The following IL1RAPL1 variants were observed in gnomAD, a reference collection of about 807,000 sequenced individuals.
IL1RAPL1 encodes the protein interleukin 1 receptor accessory protein like 1.
A neutral mutation model predicts 48.4 loss-of-function variants in IL1RAPL1; 3 were observed. The observed-to-expected ratio is 0.06, with a 90% CI of 0.03 to 0.16. The LOEUF (loss-of-function observed/expected upper bound fraction) is 0.16, where lower values mean the gene tolerates loss of function less well. Among genes scored for constraint, IL1RAPL1 ranks in the 10% least tolerant of loss-of-function variants. The pLI is 1.00. For synonymous variants in IL1RAPL1, 185 were observed against 187.7 expected (o/e 0.99, Z 0.12); for missense variants, 349 against 530.6 (o/e 0.66, Z 3.36).
chrX:29,195,524 G>A (rs889804128), intron 2 of IL1RAPL1, among the ~76,000 whole-genome samples: 7 of 106,459 alleles, frequency 6.6e-5, no homozygotes, highest in Non-Finnish European at 1.2e-4. Context: ...CACCAATATC[G>A]TCCAAAAGTT....
chrX:29,554,513 G>A (rs753570287), intron 5 of IL1RAPL1, among the ~76,000 whole-genome samples: 57 of 110,823 alleles, frequency 5.1e-4, no homozygotes, highest in African/African-American at 1.8e-3. Flanking sequence ...ATGAAACATT[G>A]TAGGCCTTCA....
At chrX:28,963,288 C>T (rs1924833982) in intron 2 of IL1RAPL1, among the ~76,000 whole-genome samples, 1 of 110,783 alleles carries the variant, frequency 9.0e-6, no homozygotes, top group South Asian at 3.7e-4. Context: ...TTGCCTTTGT[C>T]GTTTAAATCT....
chrX:29,761,823 A>G (rs1036980041), intron 6 of IL1RAPL1, among the ~76,000 whole-genome samples: 3 of 111,843 alleles, frequency 2.7e-5, no homozygotes, highest in Non-Finnish European at 5.6e-5. Context: ...TAGCAAGCAC[A>G]ATATCTAACA....
intron 2 of IL1RAPL1, among the ~76,000 whole-genome samples, chrX:29,254,471 G>A (rs189216553): frequency 1.2e-3 from 136 of 110,301 alleles, no homozygotes; most frequent in African/African-American, 4.2e-3. Flanking sequence ...GCAAAGAGGG[G>A]GAGGGAGAGA....
chrX:28,733,620 T>C (rs1358093118), intron 1 of IL1RAPL1, among the ~76,000 whole-genome samples: 1 of 111,681 alleles, frequency 9.0e-6, no homozygotes, highest in Non-Finnish European at 1.9e-5. Context: ...CCTTCAGATT[T>C]AGTTGGTCTT....
At chrX:29,588,069 CAAA>C (rs1321723401) in intron 5 of IL1RAPL1, among the ~76,000 whole-genome samples, 1 of 112,614 alleles carries the variant, frequency 8.9e-6, no homozygotes, top group Non-Finnish European at 1.9e-5. Context: ...GGATTATCTT[CAAA>C]ATGAAAGCAG....
chrX:28,905,743 T>G (rs1326635474), intron 2 of IL1RAPL1, among the ~76,000 whole-genome samples: 2 of 111,644 alleles, frequency 1.8e-5, no homozygotes, highest in Non-Finnish European at 3.8e-5. Context: ...TTGATGGAGT[T>G]TACGGTTCAG....
chrX:29,624,253 AT>A (rs138823751), intron 5 of IL1RAPL1, among the ~76,000 whole-genome samples: 3 of 111,411 alleles, frequency 2.7e-5, no homozygotes, highest in South Asian at 3.7e-4. Context: ...TAGCATCCAT[AT>A]TTTTTTGACA....
At chrX:29,116,184 C>A (rs964569163) in intron 2 of IL1RAPL1, among the ~76,000 whole-genome samples, 2 of 110,435 alleles carry the variant, frequency 1.8e-5, no homozygotes, top group Non-Finnish European at 3.8e-5. Flanking sequence ...ATACCATTTC[C>A]AAAATGCTTG....
chrX:29,668,094 T>C (rs1926047770), intron 5 of IL1RAPL1, among the ~76,000 whole-genome samples: 1 of 111,739 alleles, frequency 8.9e-6, no homozygotes, highest in African/African-American at 3.2e-5. Context: ...CAGAAAAAAA[T>C]GCAGGACATC....
At chrX:29,374,527 G>T (rs1020919249) in intron 3 of IL1RAPL1, among the ~76,000 whole-genome samples, 1 of 109,221 alleles carries the variant, frequency 9.2e-6, no homozygotes, top group Non-Finnish European at 1.9e-5. Context: ...GCTTTTGGCC[G>T]CACCAGCCCT....
chrX:29,806,648 A>G (rs900804873), intron 6 of IL1RAPL1, among the ~76,000 whole-genome samples: 1 of 111,382 alleles, frequency 9.0e-6, no homozygotes, highest in African/African-American at 3.3e-5. Context: ...CCTGAAATTG[A>G]CTTTATCATA....
chrX:29,770,427 C>G (rs1321763514), intron 6 of IL1RAPL1, among the ~76,000 whole-genome samples: 1 of 109,563 alleles, frequency 9.1e-6, no homozygotes, highest in Non-Finnish European at 1.9e-5. Flanking sequence ...GCTGAGAAAA[C>G]CTGACATGAG....
intron 2 of IL1RAPL1, among the ~76,000 whole-genome samples, chrX:29,035,194 G>C (rs923043824): frequency 3.5e-4 from 39 of 110,948 alleles, no homozygotes; most frequent in African/African-American, 1.2e-3. Context: ...TGATCTGCCC[G>C]CCTCGGCCTC....
rs1480493225 is a variant in IL1RAPL1 at position 29,819,023 on chromosome X, AT to A, written c.779-98440del. On this transcript the variant is annotated intron_variant, in intron 6 of 10. Transcript: ENST00000378993. ...ATCTGAACCAAGGCAGGTTTCATAA[AT>A]CAGAAGTCTAGTTTGAGCCCCCACG... 1.2e-4 allele frequency among the ~76,000 whole-genome samples: 13 copies of A among 111,777 alleles called. No individual in the cohort carries two copies. In the Admixed American group the frequency reaches 1.2e-3, roughly 11 times the overall value.
At chrX:29,144,215 G>A (rs1015181865) in intron 2 of IL1RAPL1, among the ~76,000 whole-genome samples, 1 of 111,242 alleles carries the variant, frequency 9.0e-6, no homozygotes, top group Non-Finnish European at 1.9e-5. Flanking sequence ...GAGGGCAGTG[G>A]CAATGGGGAT....
intron 6 of IL1RAPL1, among the ~76,000 whole-genome samples, chrX:29,775,356 G>C (rs1929169449): frequency 9.0e-6 from 1 of 111,517 alleles, no homozygotes. Context: ...GTGCTTTTGT[G>C]TGTTAATGTG....
intron 2 of IL1RAPL1, among the ~76,000 whole-genome samples, chrX:28,984,528 C>T (rs1925419024): frequency 8.9e-6 from 1 of 112,201 alleles, no homozygotes; most frequent in Non-Finnish European, 1.9e-5. Flanking sequence ...CCTTTTCACA[C>T]ATCTTTCTCC....
chrX:29,051,628 C>T (rs757029279), intron 2 of IL1RAPL1, among the ~76,000 whole-genome samples: 8 of 112,074 alleles, frequency 7.1e-5, no homozygotes, highest in African/African-American at 2.6e-4. Context: ...GAAACCTTGG[C>T]TACCTTTTGC....
Sources: gnomAD v4.1 joint callset for allele counts (sites outside exome capture counted in the v4.1 genomes callset) on GRCh38, gnomAD v4.1.1 for gene constraint, MANE v1.5 for transcripts, NCBI Gene and HGNC (gene_info 2026-07-23, HGNC 2026-07-21) for gene names.